The following MDFIC2 variants were observed in gnomAD, a reference collection of about 807,000 sequenced individuals.
The protein encoded by MDFIC2 is MyoD family inhibitor domain containing 2.
intron 2 of MDFIC2, among the ~76,000 whole-genome samples, chr3:70,310,123 C>T (rs1559560539): frequency 6.6e-6 from 1 of 151,916 alleles, no homozygotes; most frequent in Non-Finnish European, 1.5e-5. Flanking sequence ...TTTTTTCCTT[C>T]TACATTGTTT....
chr3:70,252,903 A>C (rs889379515), intron 2 of MDFIC2, among the ~76,000 whole-genome samples: 1 of 151,962 alleles, frequency 6.6e-6, no homozygotes. Flanking sequence ...AACATCGTGA[A>C]ACCCCCTCTC....
intron 2 of MDFIC2, chr3:70,283,852 G>A (rs1261699065): frequency 6.6e-6 from 1 of 151,858 alleles, no homozygotes. Flanking sequence ...TGGATGGTGA[G>A]TACATAATGT....
At chr3:70,233,089 T>C (rs1701576238) in intron 2 of MDFIC2, among the ~76,000 whole-genome samples, 1 of 152,150 alleles carries the variant, frequency 6.6e-6, no homozygotes, top group Admixed American at 6.5e-5. Context: ...ATTGGGAGGC[T>C]GAGGCACAAG....
chr3:70,285,110 G>A (rs1276228193), intron 2 of MDFIC2, among the ~76,000 whole-genome samples: 1 of 149,488 alleles, frequency 6.7e-6, no homozygotes, highest in Non-Finnish European at 1.5e-5. Flanking sequence ...ACATTGTGCA[G>A]GTTAGTTACA....
At chr3:70,246,780 T>TA (rs1701711466) in intron 2 of MDFIC2, among the ~76,000 whole-genome samples, 1 of 152,068 alleles carries the variant, frequency 6.6e-6, no homozygotes, top group South Asian at 2.1e-4. Context: ...ATCATTGGTA[T>TA]AAAAAACATT....
intron 2 of MDFIC2, among the ~76,000 whole-genome samples, chr3:70,258,821 C>T (rs545138709): frequency 3.3e-5 from 5 of 152,092 alleles, no homozygotes; most frequent in Non-Finnish European, 7.4e-5. Context: ...TAGAAGGAGG[C>T]ACACAAAAAC....
At chr3:70,239,971 T>G (rs1701650491) in intron 2 of MDFIC2, among the ~76,000 whole-genome samples, 1 of 151,978 alleles carries the variant, frequency 6.6e-6, no homozygotes, top group Admixed American at 6.6e-5. Context: ...AGTAGTAAGC[T>G]TTGAAATTGA....
intron 2 of MDFIC2, among the ~76,000 whole-genome samples, chr3:70,253,111 C>T (rs1406497722): frequency 2.0e-5 from 3 of 151,880 alleles, no homozygotes; most frequent in African/African-American, 7.3e-5. Flanking sequence ...GAAACTAATA[C>T]CTAAAATAAA....
intron 2 of MDFIC2, among the ~76,000 whole-genome samples, chr3:70,293,463 A>G (rs187984633): frequency 1.1e-3 from 172 of 152,258 alleles, no homozygotes; most frequent in South Asian, 2.3e-3. Flanking sequence ...TTTGATTTCT[A>G]TTAGTGACAA....
At chr3:70,271,756 C>G (rs1221236595) in intron 2 of MDFIC2, 1 of 152,096 alleles carries the variant, frequency 6.6e-6, no homozygotes, top group Non-Finnish European at 1.5e-5. Flanking sequence ...ATGGCTCACA[C>G]TTATTTTTTA....
Position 70,196,876 on chromosome 3 carries a change from A to T in MDFIC2, c.*50T>A. 1 of 398,256 alleles carries T rather than the reference A, an allele frequency of 2.5e-6. No individual in the cohort carries two copies. Among genetic ancestry groups the T allele is most frequent in the Non-Finnish European group, 4.4e-6 (1 of 225,924 alleles). The allele number at this position is 398,256 out of a possible 1,614,324, so 24.7% of individuals were successfully genotyped here. On this transcript the variant is annotated 3_prime_UTR_variant, in exon 4 of 4. Coordinates refer to ENST00000567252, the MANE Select transcript of MDFIC2 (RefSeq NM_001364677.1). ...TGGAAATCAGTCTTGTTGTAATGGA[A>T]TTTCCCACCGTGGCCAAAAGGACTG... is the stretch of plus-strand genomic sequence containing the variant.
chr3:70,248,833 A>G (rs993829166), intron 2 of MDFIC2, among the ~76,000 whole-genome samples: 1 of 152,134 alleles, frequency 6.6e-6, no homozygotes, highest in Admixed American at 6.6e-5. Flanking sequence ...TATGTTTGCC[A>G]GTGGTGGCCT....
At chr3:70,223,734 G>A (rs1416436992) in intron 2 of MDFIC2, among the ~76,000 whole-genome samples, 1 of 152,144 alleles carries the variant, frequency 6.6e-6, no homozygotes, top group African/African-American at 2.4e-5. Context: ...GACCAGGTCA[G>A]CTCCAAGCTG....
At chr3:70,210,160 G>A (rs955519335) in intron 2 of MDFIC2, among the ~76,000 whole-genome samples, 2 of 152,060 alleles carry the variant, frequency 1.3e-5, no homozygotes, top group Non-Finnish European at 2.9e-5. Context: ...CAGCCAAGTG[G>A]TATATGATTC....
At chr3:70,260,421 A>C (rs950774161) in intron 2 of MDFIC2, among the ~76,000 whole-genome samples, 1 of 152,120 alleles carries the variant, frequency 6.6e-6, no homozygotes, top group Admixed American at 6.5e-5. Context: ...ATAAAGTCTC[A>C]TTATGAGGTA....
At chr3:70,256,499 AT>A (rs908768223) in intron 2 of MDFIC2, among the ~76,000 whole-genome samples, 14 of 152,216 alleles carry the variant, frequency 9.2e-5, no homozygotes, top group Admixed American at 6.5e-4. Flanking sequence ...CATTTAGTTC[AT>A]TTAGTTCTTC....
intron 3 of MDFIC2, among the ~76,000 whole-genome samples, chr3:70,201,217 G>T (rs1246856574): frequency 1.3e-5 from 2 of 151,906 alleles, no homozygotes; most frequent in African/African-American, 4.8e-5. Context: ...CCTCCAATAA[G>T]CCCCATTGTG....
At chr3:70,214,591 T>G (rs1193554850) in intron 2 of MDFIC2, among the ~76,000 whole-genome samples, 1 of 132,622 alleles carries the variant, frequency 7.5e-6, no homozygotes, top group African/African-American at 2.8e-5. Context: ...CTTCAATTTT[T>G]GGGGGCTGAA....
intron 2 of MDFIC2, among the ~76,000 whole-genome samples, chr3:70,232,404 A>ATT (rs200752002): frequency 2.3e-4 from 33 of 145,096 alleles, no homozygotes; most frequent in East Asian, 4.1e-4. Context: ...TGATGTTCCT[A>ATT]TTTTTTTTTT....
Sources: gnomAD v4.1 joint callset for allele counts (sites outside exome capture counted in the v4.1 genomes callset) on GRCh38, gnomAD v4.1.1 for gene constraint, MANE v1.5 for transcripts, NCBI Gene and HGNC (gene_info 2026-07-23, HGNC 2026-07-21) for gene names.